ATP10B: variants seen among roughly 807,000 people sequenced by gnomAD.
The protein encoded by ATP10B is phospholipid-transporting ATPase VB.
ATP10B carries 122 observed loss-of-function variants against 141.2 expected under a neutral mutation model. That is an observed-to-expected ratio of 0.86 (90% confidence interval 0.75 to 1.00). The LOEUF (loss-of-function observed/expected upper bound fraction) is 1.00, where lower values mean the gene tolerates loss of function less well. Ranked by LOEUF, ATP10B falls within the 50% of genes least tolerant of loss-of-function variation. The pLI, the probability that ATP10B is intolerant of heterozygous loss-of-function variation, is 0.00. For synonymous variants in ATP10B, 685 were observed against 692.0 expected (o/e 0.99, Z 0.16); for missense variants, 1,876 against 1,825.3 (o/e 1.03, Z -0.51).
At chr5:160,922,838 C>T in the ATP10B span, among the ~76,000 whole-genome samples, 2 of 152,172 alleles carry the variant, frequency 1.3e-5, no homozygotes, top group Non-Finnish European at 2.9e-5. Context: ...CTAATGGGGC[C>T]CCTCCAAGCC....
chr5:160,753,523 G>A (rs932494342), intron 2 of ATP10B, among the ~76,000 whole-genome samples: 1 of 152,154 alleles, frequency 6.6e-6, no homozygotes, highest in Non-Finnish European at 1.5e-5. Flanking sequence ...CAACACACAT[G>A]TAGAATGTGT....
chr5:160,853,089 AGAG>A (rs932717170), upstream of ATP10B, among the ~76,000 whole-genome samples: 85 of 152,190 alleles, frequency 5.6e-4, no homozygotes, highest in African/African-American at 2.0e-3. Flanking sequence ...ACATTTTACA[AGAG>A]AAGAAACACC....
At chr5:160,568,358 C>T (rs1404125740) in intron 25 of ATP10B, among the ~76,000 whole-genome samples, 1 of 151,984 alleles carries the variant, frequency 6.6e-6, no homozygotes, top group Non-Finnish European at 1.5e-5. Context: ...AACCTAGGGA[C>T]AAGAGAAACT....
the ATP10B span, among the ~76,000 whole-genome samples, chr5:160,917,263 GTAC>G: frequency 7.6e-6 from 1 of 131,772 alleles, no homozygotes; most frequent in South Asian, 2.5e-4. Flanking sequence ...TGATTCTAGG[GTAC>G]TTCTTTTTTT....
chr5:160,834,690 C>CT (rs1383131548), intron 1 of ATP10B, among the ~76,000 whole-genome samples: 1 of 152,122 alleles, frequency 6.6e-6, no homozygotes, highest in African/African-American at 2.4e-5. Context: ...TCACAATGTG[C>CT]TTTCAGACAC....
the ATP10B span, among the ~76,000 whole-genome samples, chr5:160,888,747 C>A: frequency 6.6e-6 from 1 of 152,106 alleles, no homozygotes; most frequent in African/African-American, 2.4e-5. Flanking sequence ...AACCACATGA[C>A]CTACAATTCA....
At chr5:160,566,849 A>G (rs761425135) in intron 25 of ATP10B, among the ~76,000 whole-genome samples, 9 of 152,194 alleles carry the variant, frequency 5.9e-5, no homozygotes, top group Non-Finnish European at 1.3e-4. Flanking sequence ...TCCCAAAGAT[A>G]GTCTTTAAAT....
intron 2 of ATP10B, among the ~76,000 whole-genome samples, chr5:160,765,924 T>TA (rs1284710989): frequency 6.6e-6 from 1 of 151,838 alleles, no homozygotes; most frequent in Non-Finnish European, 1.5e-5. Context: ...CAAGAGAAGA[T>TA]ATACAAATGG....
At chr5:160,822,169 A>G (rs913603973) in intron 1 of ATP10B, among the ~76,000 whole-genome samples, 3 of 152,188 alleles carry the variant, frequency 2.0e-5, no homozygotes, top group Non-Finnish European at 2.9e-5. Flanking sequence ...CTACAGGAAA[A>G]AAATCTAATA....
Position 160,620,700 on chromosome 5 carries a change from C to A in ATP10B, c.2063G>T (p.Gly688Val), listed in dbSNP as rs752018914. ...GGYRSSMWDQ[G>V]DILESGSGTS... ...GCCTGACCCAGACTCCAGGATGTCG[C>A]CCTGGTCCCACATGCTGCTCCTGTA... The change falls in exon 15 of 26, where the codon GGC becomes GTC. Residue 688 changes from glycine to valine, a missense_variant. By Grantham distance (109) the Gly-to-Val change is moderately radical. Coordinates refer to ENST00000327245, the MANE Select transcript of ATP10B (RefSeq NM_025153.3). The A allele has an allele frequency of 3.1e-6, 5 of 1,614,136 alleles. No individual in the cohort carries two copies. The highest frequency in any genetic ancestry group is 4.2e-6 in the Non-Finnish European group (5 of 1,179,994).
At chr5:160,927,869 A>T in the ATP10B span, among the ~76,000 whole-genome samples, 1 of 152,258 alleles carries the variant, frequency 6.6e-6, no homozygotes, top group African/African-American at 2.4e-5. Context: ...GCAGTATTTT[A>T]GATGCTGTGA....
At chr5:160,676,178 T>C (rs555343925) in intron 6 of ATP10B, among the ~76,000 whole-genome samples, 1 of 152,182 alleles carries the variant, frequency 6.6e-6, no homozygotes, top group Non-Finnish European at 1.5e-5. Context: ...AACCCACTCC[T>C]GACCTTTTTG....
intron 3 of ATP10B, among the ~76,000 whole-genome samples, chr5:160,703,164 T>C (rs1225432716): frequency 6.6e-6 from 1 of 152,120 alleles, no homozygotes; most frequent in African/African-American, 2.4e-5. Context: ...CCCTTTCTTC[T>C]GAAATATTTA....
At chr5:160,753,188 C>T (rs943085633) in intron 2 of ATP10B, among the ~76,000 whole-genome samples, 9 of 145,588 alleles carry the variant, frequency 6.2e-5, no homozygotes, top group South Asian at 2.1e-4. Context: ...AGGGTGAAGC[C>T]GTGCTTATCT....
chr5:160,877,783 C>G, the ATP10B span, among the ~76,000 whole-genome samples: 3 of 117,706 alleles, frequency 2.5e-5, no homozygotes, highest in African/African-American at 7.9e-5. Flanking sequence ...CTCCCATTCA[C>G]AATTGCTTCA....
At chr5:160,686,042 C>T in intron 6 of ATP10B, 37 bp downstream of exon 6, 1 of 1,471,256 alleles carries the variant, frequency 6.8e-7, no homozygotes, top group South Asian at 1.5e-5. Flanking sequence ...TTGCCTAACC[C>T]ATTTGCAAGA....
At chr5:160,917,214 C>T in the ATP10B span, among the ~76,000 whole-genome samples, 1 of 151,264 alleles carries the variant, frequency 6.6e-6, no homozygotes, top group Non-Finnish European at 1.5e-5. Context: ...AGACACACAG[C>T]ACATCAGAGG....
In ATP10B at chr5:160,565,755, C is replaced by T; in HGVS notation, c.4084G>A (p.Ala1362Thr). 6.2e-7 allele frequency: 1 copy of T among 1,614,074 alleles called. No homozygotes were observed. Reference protein sequence around the residue: ...RQRPAPVPEVARPTHHPVSSI... With the variant: ...RQRPAPVPEVTRPTHHPVSSI... Reference sequence around the variant, plus strand: ...GACACTGGGTGGTGAGTTGGTCGAGCCACTTCGGGGACAGGGGCAGGCCTC... The same window carrying T: ...GACACTGGGTGGTGAGTTGGTCGAGTCACTTCGGGGACAGGGGCAGGCCTC... Residue 1362 changes from alanine (A) to threonine (T), a missense_variant, in exon 26 of 26, where the codon GCT becomes ACT. Physicochemically the swap from Ala to Thr is moderately conservative, Grantham distance 58. Transcript: ENST00000327245.
At chr5:160,571,758 T>C (rs938972894) in intron 24 of ATP10B, among the ~76,000 whole-genome samples, 11 of 152,108 alleles carry the variant, frequency 7.2e-5, no homozygotes, top group African/African-American at 2.7e-4. Context: ...AATTCATAGG[T>C]GAAAGTTTGG....
Sources: gnomAD v4.1 joint callset for allele counts (sites outside exome capture counted in the v4.1 genomes callset) on GRCh38, gnomAD v4.1.1 for gene constraint, MANE v1.5 for transcripts, NCBI Gene and HGNC (gene_info 2026-07-23, HGNC 2026-07-21) for gene names.